The following ITFG1 variants were observed in gnomAD, a reference collection of about 807,000 sequenced individuals.
ITFG1 encodes integrin alpha FG-GAP repeat containing 1, also known as T-cell immunomodulatory protein.
Under a neutral mutation model 81.8 loss-of-function variants are expected in ITFG1, and 34 were observed. That is an observed-to-expected ratio of 0.42 (90% CI 0.32 to 0.55). The LOEUF is 0.55. ITFG1 is among the 20% of genes least tolerant of loss of function. The probability of loss-of-function intolerance (pLI) is 0.17; values close to 1 mark genes in which losing one functional copy is unlikely to be tolerated. For synonymous variants in ITFG1, 285 were observed against 270.6 expected, an observed-to-expected ratio of 1.05 and a Z score of -0.52; for missense variants, 672 against 755.4, an observed-to-expected ratio of 0.89 and a Z score of 1.29.
At chr16:47,351,380 A>C (rs1967952536) in intron 8 of ITFG1, among the ~76,000 whole-genome samples, 1 of 152,372 alleles carries the variant, frequency 6.6e-6, no homozygotes, top group Middle Eastern at 3.4e-3. Context: ...ATAGAAAATC[A>C]ATGTGCAAAA....
intron 6 of ITFG1, among the ~76,000 whole-genome samples, chr16:47,401,240 C>A (rs778737790): frequency 5.3e-5 from 8 of 152,096 alleles, no homozygotes; most frequent in Non-Finnish European, 1.0e-4. Context: ...AAGATGCTGT[C>A]ACCCACTAGG....
chr16:47,362,697 T>C, intron 8 of ITFG1, among the ~76,000 whole-genome samples: 1 of 152,210 alleles, frequency 6.6e-6, no homozygotes, highest in East Asian at 1.9e-4. Context: ...TTGTACCCTT[T>C]CTCAGCTTAG....
chr16:47,200,339 G>T (rs1346247052), intron 14 of ITFG1, among the ~76,000 whole-genome samples: 9 of 152,178 alleles, frequency 5.9e-5, no homozygotes, highest in Admixed American at 2.6e-4. Context: ...AGGGGCCACT[G>T]CTAATTATTC....
chr16:47,168,927 A>AT (rs1003536970), intron 14 of ITFG1, among the ~76,000 whole-genome samples: 2 of 150,656 alleles, frequency 1.3e-5, no homozygotes, highest in Middle Eastern at 3.4e-3. Flanking sequence ...GTCCCACTTC[A>AT]TTTTTTTTTA....
At chr16:47,267,480 T>C (rs1242833241) in intron 10 of ITFG1, among the ~76,000 whole-genome samples, 1 of 152,214 alleles carries the variant, frequency 6.6e-6, no homozygotes, top group Non-Finnish European at 1.5e-5. Flanking sequence ...GATTCCAATA[T>C]GTCTCTTTTA....
rs142630471 is a variant in ITFG1 at position 47,181,058 on chromosome 16, G to A, written c.1454-18394C>T. Among the ~76,000 whole-genome samples, 395 of 149,858 alleles carry A rather than the reference G, an allele frequency of 2.6e-3. 4 individuals are homozygous for A. In the East Asian group the frequency reaches 0.036, roughly 13 times the overall value. ...CCATACCATCTAGGAAGTCACGAGC[G>A]CCTCTTCCAGGCTGCCATCCCATCT... On this transcript the variant is annotated intron_variant, in intron 14 of 17. Coordinates refer to ENST00000320640, the MANE Select transcript of ITFG1 (RefSeq NM_030790.5).
intron 8 of ITFG1, among the ~76,000 whole-genome samples, chr16:47,326,847 A>G (rs1967552953): frequency 6.6e-6 from 1 of 152,210 alleles, no homozygotes; most frequent in African/African-American, 2.4e-5. Context: ...ATGGAAGAAC[A>G]TTCCATGCTC....
At position 47,307,578 on chromosome 16, in the gene ITFG1, T is replaced by C. The variant is rs545273683; in HGVS notation, c.1070+3662A>G. Among the ~76,000 whole-genome samples the C allele has an allele frequency of 2.0e-4, 30 of 152,346 alleles. No individual in the cohort carries two copies. In the South Asian group the frequency reaches 4.8e-3, roughly 24 times the overall value. ...GCGAACGTAGCAATATGAGGTCTTC[T>C]TCAATAATGACACAGAATGAGTTTA... On this transcript the variant is annotated intron_variant, in intron 10 of 17. Coordinates refer to ENST00000320640, the MANE Select transcript of ITFG1 (RefSeq NM_030790.5).
intron 14 of ITFG1, chr16:47,196,185 T>C (rs1965355048): frequency 6.6e-6 from 1 of 151,970 alleles, no homozygotes; most frequent in South Asian, 2.1e-4. Context: ...AGTCTGACAA[T>C]GATATGCATA....
chr16:47,347,162 G>C (rs554660563), intron 8 of ITFG1, among the ~76,000 whole-genome samples: 1 of 152,204 alleles, frequency 6.6e-6, no homozygotes, highest in Non-Finnish European at 1.5e-5. Context: ...CTCAGGTACC[G>C]GGTTCATCTC....
chr16:47,224,980 C>T (rs1965740968), intron 13 of ITFG1, among the ~76,000 whole-genome samples: 2 of 152,012 alleles, frequency 1.3e-5, no homozygotes, highest in African/African-American at 2.4e-5. Context: ...GCCTGGGCAA[C>T]AGAGTGAGAC....
intron 13 of ITFG1, among the ~76,000 whole-genome samples, chr16:47,231,627 A>G (rs1234611142): frequency 6.6e-6 from 1 of 152,244 alleles, no homozygotes; most frequent in Admixed American, 6.5e-5. Context: ...GGAACTTACT[A>G]TCCCTACCAA....
At chr16:47,258,414 T>C (rs1008639114) in intron 12 of ITFG1, among the ~76,000 whole-genome samples, 2 of 152,120 alleles carry the variant, frequency 1.3e-5, no homozygotes, top group Non-Finnish European at 2.9e-5. Flanking sequence ...TTAAATGCAA[T>C]AGATATTTCT....
chr16:47,369,993 C>T (rs1391660423), intron 7 of ITFG1, among the ~76,000 whole-genome samples: 1 of 151,944 alleles, frequency 6.6e-6, no homozygotes, highest in African/African-American at 2.4e-5. Context: ...CACCTGCCAC[C>T]ACTCCCGGCT....
At chr16:47,193,343 G>A (rs910106232) in intron 14 of ITFG1, among the ~76,000 whole-genome samples, 4 of 151,424 alleles carry the variant, frequency 2.6e-5, no homozygotes, top group East Asian at 1.9e-4. Context: ...GGGCAACCAG[G>A]CCTATTTTAT....
At chr16:47,359,225 C>T (rs1968078945) in intron 8 of ITFG1, among the ~76,000 whole-genome samples, 1 of 152,192 alleles carries the variant, frequency 6.6e-6, no homozygotes, top group Non-Finnish European at 1.5e-5. Context: ...TTCTAAATGG[C>T]AGTTAAACAA....
intron 8 of ITFG1, among the ~76,000 whole-genome samples, chr16:47,328,256 G>A (rs879038559): frequency 5.9e-5 from 9 of 152,076 alleles, no homozygotes; most frequent in South Asian, 2.1e-4. Flanking sequence ...TCACTCATAG[G>A]TGGGAACTGA....
chr16:47,424,509 G>A (rs1441912229), intron 6 of ITFG1, among the ~76,000 whole-genome samples: 1 of 152,176 alleles, frequency 6.6e-6, no homozygotes, highest in Non-Finnish European at 1.5e-5. Context: ...AGGAGAAGAG[G>A]TGCTCTGGTT....
chr16:47,207,192 C>T (rs1246231964), intron 14 of ITFG1, among the ~76,000 whole-genome samples: 2 of 152,166 alleles, frequency 1.3e-5, no homozygotes, highest in African/African-American at 4.8e-5. Context: ...ATGCCATTCT[C>T]CCGCCTCAGC....
Sources: gnomAD v4.1 joint callset for allele counts (sites outside exome capture counted in the v4.1 genomes callset) on GRCh38, gnomAD v4.1.1 for gene constraint, MANE v1.5 for transcripts, NCBI Gene and HGNC (gene_info 2026-07-23, HGNC 2026-07-21) for gene names.